PRKD3: variants seen among roughly 807,000 people sequenced by gnomAD.
PRKD3 encodes protein kinase D3, also known as serine/threonine-protein kinase D3.
Under a neutral mutation model 99.2 loss-of-function variants are expected in PRKD3, and 47 were observed. The observed-to-expected ratio is 0.47, with a 90% CI of 0.38 to 0.60. PRKD3 has a LOEUF of 0.60. Among genes scored for constraint, PRKD3 ranks in the 20% least tolerant of loss-of-function variants. PRKD3 has a pLI of 0.00. For synonymous variants in PRKD3, 392 were observed against 355.4 expected, an observed-to-expected ratio of 1.10 and a Z score of -1.16; for missense variants, 1,019 against 1,088.4, an observed-to-expected ratio of 0.94 and a Z score of 0.90.
At chr2:37,291,144 A>G (rs1279256102) in intron 3 of PRKD3, 145 bp from the exon 4 acceptor site, 1 of 724,940 alleles carries the variant, frequency 1.4e-6, no homozygotes, top group Non-Finnish European at 2.0e-6. Context: ...ATTATTTAAT[A>G]TTGTGATTTC....
Position 37,256,628 on chromosome 2 carries a change from A to AT in PRKD3, c.2413+33dup, listed in dbSNP as rs56389006. The AT allele has an allele frequency of 5.9e-3, 7,042 of 1,198,294 alleles. 210 individuals carry two copies. Among genetic ancestry groups the AT allele is most frequent in the Admixed American group, 0.041 (1,120 of 27,202 alleles). 74.2% of individuals were successfully genotyped at this position (1,198,294 alleles called of 1,614,324 possible). ...TTTAGGCTTAAAACACATAGCCAAA[A>AT]TTTTTTTTTTTTTTTTTTTTTTTTT... On this transcript the variant is annotated intron_variant, in intron 17 of 18. Transcript: ENST00000234179.
At chr2:37,277,651 C>A (rs769355040) in intron 9 of PRKD3, among the ~76,000 whole-genome samples, 6 of 152,274 alleles carry the variant, frequency 3.9e-5, no homozygotes, top group Admixed American at 6.5e-5. Context: ...TGAATATTGA[C>A]TGCTCTACCA....
At chr2:37,323,647 G>T (rs7570547) in intron 1 of PRKD3, among the ~76,000 whole-genome samples, 5 of 151,814 alleles carry the variant, frequency 3.3e-5, no homozygotes, top group African/African-American at 4.8e-5. Flanking sequence ...CGCTAAAAAT[G>T]TAAGAACGAC....
Position 37,277,953 on chromosome 2 carries a change from A to G in PRKD3, c.1209T>C (p.Val403=). The G allele has an allele frequency of 2.5e-6, 4 of 1,611,504 alleles. No homozygotes were observed. Among genetic ancestry groups the G allele is most frequent in the Non-Finnish European group, 3.4e-6 (4 of 1,178,006 alleles). Residue 403 remains valine, a synonymous_variant, in exon 9 of 19, where the codon GTT becomes GTC. Transcript: ENST00000234179. Reference sequence around the variant, plus strand: ...TCTTTGTGTGCTTGATGGATTGTACAACCCTCATTAGCGGAATATTATTGC... The same window carrying G: ...TCTTTGTGTGCTTGATGGATTGTACGACCCTCATTAGCGGAATATTATTGC... The part of the protein sequence containing the change: ...STSNNIPLMR[V]VQSIKHTKRK...
At chr2:37,291,758 G>A (rs1284657987) in intron 3 of PRKD3, among the ~76,000 whole-genome samples, 3 of 152,200 alleles carry the variant, frequency 2.0e-5, no homozygotes, top group Non-Finnish European at 4.4e-5. Flanking sequence ...AATAAGGACA[G>A]AGAGGATCTC....
chr2:37,263,402 T>A (rs913547034), intron 14 of PRKD3, among the ~76,000 whole-genome samples: 3 of 152,208 alleles, frequency 2.0e-5, no homozygotes, highest in African/African-American at 7.2e-5. Context: ...GCATTCTTTG[T>A]TTTTAGGGTA....
intron 10 of PRKD3, 67 bp downstream of exon 10, chr2:37,275,700 T>C (rs1215920126): frequency 6.8e-7 from 1 of 1,476,250 alleles, no homozygotes; most frequent in Non-Finnish European, 9.1e-7. Flanking sequence ...TAACAGTTAA[T>C]GAATATTATC....
At chr2:37,301,948 G>A (rs888377186) in intron 2 of PRKD3, among the ~76,000 whole-genome samples, 1 of 152,170 alleles carries the variant, frequency 6.6e-6, no homozygotes, top group African/African-American at 2.4e-5. Flanking sequence ...CATTCAGTGG[G>A]TAGAGCACTG....
chr2:37,296,620 G>T (rs901304694), intron 2 of PRKD3, among the ~76,000 whole-genome samples: 1 of 151,992 alleles, frequency 6.6e-6, no homozygotes, highest in Non-Finnish European at 1.5e-5. Context: ...GAGTCAGGCC[G>T]GGCGCAGTGG....
At chr2:37,282,491 G>C (rs1669897815) in intron 7 of PRKD3, 51 bp downstream of exon 7, 1 of 1,158,868 alleles carries the variant, frequency 8.6e-7, no homozygotes, top group Non-Finnish European at 1.3e-6. Flanking sequence ...ATACACCAAA[G>C]AATCATGGCC....
chr2:37,305,210 G>A (rs17481897), intron 2 of PRKD3, among the ~76,000 whole-genome samples: 170 of 152,220 alleles, frequency 1.1e-3, no homozygotes, highest in Non-Finnish European at 1.7e-3. Flanking sequence ...TACCCAATCC[G>A]TATCTACAGA....
At chr2:37,269,785 G>T (rs1029628136) in intron 12 of PRKD3, 98 bp from the exon 13 acceptor site, 1 of 815,476 alleles carries the variant, frequency 1.2e-6, no homozygotes. Context: ...ACATTTTTAT[G>T]TTAGAAGCAG....
intron 2 of PRKD3, among the ~76,000 whole-genome samples, chr2:37,300,994 T>C (rs1307098326): frequency 7.0e-6 from 1 of 143,720 alleles, no homozygotes; most frequent in Non-Finnish European, 1.5e-5. Flanking sequence ...TGAAAAATGG[T>C]ATTTTTGTAG....
At chr2:37,289,793 C>T (rs1025108379) in intron 4 of PRKD3, among the ~76,000 whole-genome samples, 10 of 152,104 alleles carry the variant, frequency 6.6e-5, no homozygotes, top group Non-Finnish European at 1.2e-4. Flanking sequence ...AAGGCTCCAC[C>T]CCAGATCTAC....
At position 37,316,293 on chromosome 2, in the gene PRKD3, G is replaced by A; in HGVS notation, c.232C>T (p.Gln78Ter). ...LTRESVTIEAQELSLSAVKDL... is the reference protein window; with the variant it reads ...LTRESVTIEA Reference sequence around the variant, plus strand: ...TTGACAGCAGATAAAGACAGTTCCTGGGCTTCAATGGTAACACTCTCCCGT... The same window carrying A: ...TTGACAGCAGATAAAGACAGTTCCTAGGCTTCAATGGTAACACTCTCCCGT... Residue 78 changes from glutamine (Q) to a stop codon, truncating the protein, a stop_gained, in exon 2 of 19, where the codon CAG becomes TAG. Coordinates refer to ENST00000234179, the MANE Select transcript of PRKD3 (RefSeq NM_005813.6). LOFTEE classifies it high-confidence loss of function. 1 of 1,614,168 alleles carries A rather than the reference G, an allele frequency of 6.2e-7. No homozygotes were observed. Among genetic ancestry groups the A allele is most frequent in the Non-Finnish European group, 8.5e-7 (1 of 1,180,026 alleles).
intron 2 of PRKD3, among the ~76,000 whole-genome samples, chr2:37,314,144 A>G (rs1285386222): frequency 1.3e-5 from 2 of 152,168 alleles, no homozygotes; most frequent in African/African-American, 2.4e-5. Context: ...AGAAGTCAAT[A>G]AAGATATAGA....
rs374905590 is a variant in PRKD3, at chr2:37,304,831, A to G, written c.288+11406T>C. On this transcript the variant is annotated intron_variant, in intron 2 of 18. Transcript: ENST00000234179. Reference sequence around the variant, plus strand: ...CTGCCTTTCTGATACCAACCAAAGCAATCTTTTTTCATTCTCATTTTTTCT... The same window carrying G: ...CTGCCTTTCTGATACCAACCAAAGCGATCTTTTTTCATTCTCATTTTTTCT... Among the ~76,000 whole-genome samples, 7 of 151,520 alleles carry G rather than the reference A, an allele frequency of 4.6e-5. No homozygotes were observed. The East Asian group carries it at 7.7e-4, about 17-fold the overall frequency.
intron 2 of PRKD3, among the ~76,000 whole-genome samples, chr2:37,299,720 G>A (rs1302100671): frequency 6.6e-6 from 1 of 152,000 alleles, no homozygotes; most frequent in Non-Finnish European, 1.5e-5. Flanking sequence ...TAAAAAATAA[G>A]CAAAAGATCT....
chr2:37,256,628 ATTT>A (rs56389006), intron 17 of PRKD3, 31 bp downstream of exon 17: 53,788 of 1,169,184 alleles, frequency 0.046, 284 homozygotes, highest in African/African-American at 0.066. Flanking sequence ...CATAGCCAAA[ATTT>A]TTTTTTTTTT....
Sources: gnomAD v4.1 joint callset for allele counts (sites outside exome capture counted in the v4.1 genomes callset) on GRCh38, gnomAD v4.1.1 for gene constraint, MANE v1.5 for transcripts, NCBI Gene and HGNC (gene_info 2026-07-23, HGNC 2026-07-21) for gene names.